L3MBTL3: variants seen among roughly 807,000 people sequenced by gnomAD.
L3MBTL3 encodes the protein lethal(3)malignant brain tumor-like protein 3.
In L3MBTL3, 27 loss-of-function variants were observed where a neutral mutation model predicts 102.3. The observed-to-expected ratio is 0.26, with a 90% CI of 0.19 to 0.36. L3MBTL3 has a LOEUF of 0.36. Ranked by LOEUF, L3MBTL3 falls within the 10% of genes least tolerant of loss-of-function variation. L3MBTL3 has a pLI of 1.00. For missense variants in L3MBTL3, 798 were observed against 955.3 expected, an observed-to-expected ratio of 0.84 and a Z score of 2.17; for synonymous variants, 340 against 320.9, an observed-to-expected ratio of 1.06 and a Z score of -0.64.
In L3MBTL3 at chr6:130,092,792, A is replaced by C; in HGVS notation, c.1566A>C (p.Ala522=). Residue 522 remains alanine, a synonymous_variant, in exon 17 of 23, where the codon GCA becomes GCC. Transcript: ENST00000361794. Reference sequence around the variant, plus strand: ...ATTGCTATGATTACTGGATAGATGCAGATTCTCCTGATATTCACCCTGTAG... The same window carrying C: ...ATTGCTATGATTACTGGATAGATGCCGATTCTCCTGATATTCACCCTGTAG... ...WNNCYDYWID[A]DSPDIHPVGW... is the part of the protein sequence containing the mutation. The C allele has an allele frequency of 6.2e-7, 1 of 1,613,462 alleles. No homozygotes were observed. Among genetic ancestry groups the C allele is most frequent in the Non-Finnish European group, 8.5e-7 (1 of 1,179,484 alleles).
chr6:130,106,117 T>G (rs934631765), intron 19 of L3MBTL3, among the ~76,000 whole-genome samples: 33 of 152,236 alleles, frequency 2.2e-4, no homozygotes, highest in African/African-American at 8.0e-4. Flanking sequence ...CTAAATATTT[T>G]TAAAATGATA....
intron 1 of L3MBTL3, among the ~76,000 whole-genome samples, chr6:130,021,850 A>G (rs4145783): frequency 6.6e-6 from 1 of 152,230 alleles, no homozygotes; most frequent in Admixed American, 6.5e-5. Context: ...CCTTAAATAC[A>G]TGGGCAAAAA....
chr6:130,048,200 C>T lies in L3MBTL3; in HGVS notation c.103-1082C>T, dbSNP rs115059044. Among the ~76,000 whole-genome samples the T allele has an allele frequency of 1.3e-3, 195 of 152,172 alleles. 1 individual carries two copies. The highest frequency in any genetic ancestry group is 6.8e-3 in the Middle Eastern group (2 of 294). The stretch of plus-strand genomic sequence containing the variant: ...GGCGTGTTGACTAAATCGATTTTTT[C>T]GGATTGGCAAATGGAGGGCCTTGCT... On this transcript the variant is annotated intron_variant, in intron 3 of 22. Coordinates refer to ENST00000361794, the MANE Select transcript of L3MBTL3 (RefSeq NM_032438.4).
intron 13 of L3MBTL3, among the ~76,000 whole-genome samples, chr6:130,073,280 A>G (rs1189061996): frequency 6.6e-6 from 1 of 152,140 alleles, no homozygotes; most frequent in African/African-American, 2.4e-5. Flanking sequence ...TTTTCTATAC[A>G]TATTTTGAAT....
At chr6:130,126,763 C>T (rs1786634732) in intron 20 of L3MBTL3, among the ~76,000 whole-genome samples, 1 of 151,536 alleles carries the variant, frequency 6.6e-6, no homozygotes, top group South Asian at 2.1e-4. Context: ...AGAGGGTAAG[C>T]TTCCCCTCTG....
chr6:130,135,749 CTTCA>C (rs1219009568), intron 22 of L3MBTL3, among the ~76,000 whole-genome samples: 1 of 152,010 alleles, frequency 6.6e-6, no homozygotes, highest in Admixed American at 6.6e-5. Context: ...TCATTTACTC[CTTCA>C]TTCATTCATC....
intron 18 of L3MBTL3, among the ~76,000 whole-genome samples, chr6:130,102,508 T>C (rs1784753211): frequency 6.6e-6 from 1 of 152,222 alleles, no homozygotes; most frequent in African/African-American, 2.4e-5. Context: ...ATTCTCTTAT[T>C]TGAAGATCTT....
intron 19 of L3MBTL3, among the ~76,000 whole-genome samples, chr6:130,104,891 T>C (rs777542583): frequency 6.6e-6 from 1 of 152,202 alleles, no homozygotes; most frequent in Non-Finnish European, 1.5e-5. Flanking sequence ...TCTGCATGAA[T>C]TGATCAATAC....
chr6:130,115,416 A>C (rs1159751234), intron 19 of L3MBTL3, among the ~76,000 whole-genome samples: 1 of 152,214 alleles, frequency 6.6e-6, no homozygotes, highest in East Asian at 1.9e-4. Context: ...AGGTGGCGGA[A>C]ATCGATAAAT....
intron 19 of L3MBTL3, among the ~76,000 whole-genome samples, chr6:130,107,222 AC>A (rs1249169018): frequency 1.0e-3 from 2 of 1,924 alleles, no homozygotes; most frequent in African/African-American, 2.0e-3. Flanking sequence ...TTCTTGACTC[AC>A]TCACTTTCTG....
At chr6:130,055,391 G>T in intron 8 of L3MBTL3, 136 bp downstream of exon 8, 1 of 649,402 alleles carries the variant, frequency 1.5e-6, no homozygotes, top group Non-Finnish European at 2.6e-6. Flanking sequence ...ATAAAGATTT[G>T]AGATTTTGAG....
intron 13 of L3MBTL3, among the ~76,000 whole-genome samples, chr6:130,076,870 CTTTGT>C (rs1030956930): frequency 1.3e-5 from 2 of 152,070 alleles, no homozygotes; most frequent in African/African-American, 2.4e-5. Context: ...GAGGCAGCTT[CTTTGT>C]TTTAAGTGGC....
At chr6:130,047,025 G>A (rs1488893751) in intron 3 of L3MBTL3, among the ~76,000 whole-genome samples, 1 of 152,106 alleles carries the variant, frequency 6.6e-6, no homozygotes, top group South Asian at 2.1e-4. Flanking sequence ...GTATGTTTTT[G>A]CATATGACAG....
chr6:130,042,825 A>G (rs778980669), intron 3 of L3MBTL3, 24 bp downstream of exon 3: 13 of 1,413,422 alleles, frequency 9.2e-6, no homozygotes, highest in Non-Finnish European at 1.2e-5. Flanking sequence ...ATTACATACA[A>G]TTATGTGTGT....
At chr6:130,074,519 G>T (rs1047414448) in intron 13 of L3MBTL3, among the ~76,000 whole-genome samples, 3 of 152,180 alleles carry the variant, frequency 2.0e-5, no homozygotes, top group Admixed American at 2.0e-4. Flanking sequence ...TCAGTACCAC[G>T]GGGAGGGTAC....
rs541816888 is a variant in L3MBTL3, at chr6:130,047,578, T to C, written c.103-1704T>C. Among the ~76,000 whole-genome samples, 110 of 152,344 alleles carry C rather than the reference T, an allele frequency of 7.2e-4. 1 individual carries two copies. The South Asian group carries it at 8.1e-3, about 11-fold the overall frequency. On this transcript the variant is annotated intron_variant, in intron 3 of 22. Transcript: ENST00000361794. ...GTTTGATGCTATTTCTTACATTTTG[T>C]ATTTGTCAAATAAGCATAAATTAAC...
intron 11 of L3MBTL3, 91 bp from the exon 12 acceptor site, chr6:130,068,233 ATTGATT>A (rs1782393214): frequency 1.6e-6 from 1 of 618,650 alleles, no homozygotes; most frequent in African/African-American, 1.8e-5. Context: ...AAGTCATTTG[ATTGATT>A]TTGGCATGTT....
In L3MBTL3 at chr6:130,080,362, C is replaced by T. The variant is rs117380906; in HGVS notation, c.1321+1728C>T. Among the ~76,000 whole-genome samples the T allele has an allele frequency of 2.4e-4, 37 of 152,238 alleles. No homozygotes were observed. The East Asian group carries it at 5.4e-3, about 22-fold the overall frequency. ...ATTCTACCTTCCTTTGTCTGTCCTGCGGCTTACAAAATAATAGTGGCCAGT... is the reference window on the plus strand; with the variant it reads ...ATTCTACCTTCCTTTGTCTGTCCTGTGGCTTACAAAATAATAGTGGCCAGT... On this transcript the variant is annotated intron_variant, in intron 14 of 22. Coordinates refer to ENST00000361794, the MANE Select transcript of L3MBTL3 (RefSeq NM_032438.4).
intron 19 of L3MBTL3, among the ~76,000 whole-genome samples, chr6:130,119,177 T>C (rs1239589980): frequency 6.6e-6 from 1 of 152,058 alleles, no homozygotes; most frequent in East Asian, 1.9e-4. Context: ...AAAAAAAATA[T>C]CAACTACTCA....
Sources: gnomAD v4.1 joint callset for allele counts (sites outside exome capture counted in the v4.1 genomes callset) on GRCh38, gnomAD v4.1.1 for gene constraint, MANE v1.5 for transcripts, NCBI Gene and HGNC (gene_info 2026-07-23, HGNC 2026-07-21) for gene names.